The following SEC31A variants were observed in gnomAD, a reference collection of about 807,000 sequenced individuals.
The protein encoded by SEC31A is protein transport protein Sec31A.
In SEC31A, 70 loss-of-function variants were observed where a neutral mutation model predicts 151.0. The ratio of observed to expected loss-of-function variants is 0.46; its 90% CI spans 0.38 to 0.57. The LOEUF (loss-of-function observed/expected upper bound fraction) is 0.57. Among genes scored for constraint, SEC31A ranks in the 20% least tolerant of loss-of-function variants. SEC31A has a pLI of 0.00. For missense variants in SEC31A, 1,330 were observed against 1,471.2 expected, an observed-to-expected ratio of 0.90 and a Z score of 1.57; for synonymous variants, 475 against 505.9, an observed-to-expected ratio of 0.94 and a Z score of 0.82.
intron 18 of SEC31A, among the ~76,000 whole-genome samples, chr4:82,852,899 T>C (rs1022930352): frequency 2.0e-5 from 3 of 152,178 alleles, no homozygotes; most frequent in East Asian, 3.9e-4. Flanking sequence ...CCACCTGGCC[T>C]GTTCCATAAG....
At chr4:82,822,842 A>C (rs1190163586) in intron 25 of SEC31A, among the ~76,000 whole-genome samples, 1 of 152,116 alleles carries the variant, frequency 6.6e-6, no homozygotes, top group Non-Finnish European at 1.5e-5. Context: ...GCGTGGTGGC[A>C]CATGCCTGTA....
intron 16 of SEC31A, among the ~76,000 whole-genome samples, chr4:82,855,566 A>G (rs1438826100): frequency 6.6e-6 from 1 of 152,246 alleles, no homozygotes. Context: ...TAATTTCAAT[A>G]AAAATTACTT....
intron 10 of SEC31A, among the ~76,000 whole-genome samples, chr4:82,864,851 C>T (rs1734964278): frequency 6.6e-6 from 1 of 151,750 alleles, no homozygotes; most frequent in African/African-American, 2.4e-5. Context: ...TCTTGGCTCA[C>T]TACAACCTCT....
At chr4:82,848,263 A>G (rs1730664500) in intron 20 of SEC31A, among the ~76,000 whole-genome samples, 1 of 151,854 alleles carries the variant, frequency 6.6e-6, no homozygotes, top group African/African-American at 2.4e-5. Context: ...ACATAATCTA[A>G]AATTTCACAA....
upstream of SEC31A, chr4:82,895,148 A>C (rs1427106367): frequency 6.6e-6 from 1 of 152,220 alleles, no homozygotes; most frequent in Non-Finnish European, 1.5e-5. Flanking sequence ...ATCTTTAAGA[A>C]TATCAGGTGC....
intron 24 of SEC31A, among the ~76,000 whole-genome samples, chr4:82,826,434 A>G (rs975064286): frequency 6.6e-6 from 1 of 152,144 alleles, no homozygotes; most frequent in Non-Finnish European, 1.5e-5. Flanking sequence ...GCTCACTGCA[A>G]CCTCTGCCTG....
At chr4:82,851,905 G>A (rs1440185488) in intron 18 of SEC31A, among the ~76,000 whole-genome samples, 1 of 152,174 alleles carries the variant, frequency 6.6e-6, no homozygotes, top group East Asian at 1.9e-4. Flanking sequence ...AAAATGATAG[G>A]CAGATGTCTA....
At chr4:82,853,399 C>T (rs1468935152) in intron 18 of SEC31A, among the ~76,000 whole-genome samples, 171 bp downstream of exon 18, 1 of 152,190 alleles carries the variant, frequency 6.6e-6, no homozygotes, top group African/African-American at 2.4e-5. Flanking sequence ...ATTTTCCTAT[C>T]CTATCATCTC....
rs760849755 is a variant in SEC31A at position 82,880,911 on chromosome 4, G to A, written c.91C>T (p.Gln31Ter). Residue 31 changes from glutamine to a stop codon, truncating the protein, a stop_gained, in exon 3 of 27, where the codon CAG (glutamine) becomes TAG (stop). Transcript: ENST00000395310. LOFTEE classifies it high-confidence loss of function. ...PIYLATGTSA[Q>*]QLDATFSTNA... Reference sequence around the variant, plus strand: ...GTACTAAATGTTGCATCCAATTGCTGAGCAGATGTTCCTATAGAAAATATA... The same window carrying A: ...GTACTAAATGTTGCATCCAATTGCTAAGCAGATGTTCCTATAGAAAATATA... 4 of 1,606,842 alleles carry A rather than the reference G, an allele frequency of 2.5e-6. No homozygotes were observed. The African/African-American group carries it at 4.0e-5, about 16-fold the overall frequency.
chr4:82,833,354 A>G (rs1280744538), intron 22 of SEC31A, among the ~76,000 whole-genome samples: 2 of 152,150 alleles, frequency 1.3e-5, no homozygotes, highest in East Asian at 3.8e-4. Context: ...GAATTGAAGA[A>G]TGAGAACACA....
exon 1 of SEC31A, chr4:82,900,466 G>A (rs1720270656): frequency 3.3e-6 from 1 of 301,588 alleles, no homozygotes; most frequent in African/African-American, 2.2e-5. Context: ...GAAGGACGAT[G>A]GCGCCAGATT....
chr4:82,871,896 T>C (rs771042470), intron 7 of SEC31A, 48 bp downstream of exon 7: 3 of 1,612,474 alleles, frequency 1.9e-6, no homozygotes, highest in African/African-American at 1.3e-5. Context: ...ATCACCGACA[T>C]GTTCAGAAAA....
chr4:82,871,762 C>A (rs1736720513), intron 7 of SEC31A, 182 bp downstream of exon 7: 2 of 660,378 alleles, frequency 3.0e-6, no homozygotes, highest in Non-Finnish European at 5.0e-6. Context: ...TCGTTTGAAC[C>A]TGGGAGGCAG....
At chr4:82,844,737 A>C (rs1449697324) in intron 20 of SEC31A, among the ~76,000 whole-genome samples, 5 of 152,274 alleles carry the variant, frequency 3.3e-5, no homozygotes, top group Non-Finnish European at 7.3e-5. Flanking sequence ...AATTGCAATG[A>C]ATGGCAAAAG....
chr4:82,861,675 C>T lies in SEC31A; in HGVS notation c.1582G>A (p.Asp528Asn), dbSNP rs1199912715. The change falls in exon 14 of 27, where the codon GAT (aspartate) becomes AAT (asparagine). Residue 528 changes from aspartate (D) to asparagine (N), a missense_variant. Physicochemically the swap from Asp to Asn is conservative, Grantham distance 23. Transcript: ENST00000395310. ...LKDSDQVAQS[D>N]GEESPAAEEQ... ...TCAGCAGCAGGGCTCTCCTCCCCAT[C>T]ACTCTGTGCTACTTGGTCAGAGTCT... 1.2e-6 allele frequency: 2 copies of T among 1,611,916 alleles called. No homozygotes were observed. Among genetic ancestry groups the T allele is most frequent in the Admixed American group, 1.7e-5 (1 of 59,884 alleles).
intron 6 of SEC31A, among the ~76,000 whole-genome samples, chr4:82,873,333 G>A (rs1386577374): frequency 6.6e-6 from 1 of 150,996 alleles, no homozygotes; most frequent in Non-Finnish European, 1.5e-5. Context: ...TCCAGACTGG[G>A]TGACAGAGTG....
chr4:82,888,164 C>T (rs1319840625), intron 1 of SEC31A, among the ~76,000 whole-genome samples: 2 of 144,018 alleles, frequency 1.4e-5, no homozygotes, highest in Non-Finnish European at 3.0e-5. Flanking sequence ...CACTTGAGGC[C>T]GGAAGTTCGG....
chr4:82,837,166 T>TATATATAC, intron 22 of SEC31A, among the ~76,000 whole-genome samples: 1 of 39,786 alleles, frequency 2.5e-5, no homozygotes, highest in East Asian at 5.2e-4. Context: ...ATCATATATA[T>TATATATAC]ATATATATAT....
chr4:82,842,044 G>T, intron 22 of SEC31A, 96 bp downstream of exon 22: 2 of 1,054,364 alleles, frequency 1.9e-6, no homozygotes, highest in Non-Finnish European at 1.4e-6. Flanking sequence ...ACATTACCCA[G>T]TTTACAAACA....
Sources: allele counts gnomAD v4.1 joint callset (sites outside exome capture counted in the v4.1 genomes callset), GRCh38; gene constraint gnomAD v4.1.1; transcripts MANE v1.5; gene names NCBI Gene and HGNC (gene_info 2026-07-23, HGNC 2026-07-21).